The following ZRANB3 variants were observed in gnomAD, a reference collection of about 807,000 sequenced individuals.
ZRANB3 encodes DNA annealing helicase and endonuclease ZRANB3.
Under a neutral mutation model 133.8 loss-of-function variants are expected in ZRANB3, and 125 were observed. The ratio of observed to expected loss-of-function variants is 0.93; its 90% CI spans 0.81 to 1.08. The LOEUF is 1.08. Ranked by LOEUF, ZRANB3 falls within the 50% of genes least tolerant of loss-of-function variation. The pLI, the probability that ZRANB3 is intolerant of heterozygous loss-of-function variation, is 0.00. For synonymous variants in ZRANB3, 387 were observed against 432.7 expected (o/e 0.89, Z 1.31); for missense variants, 1,229 against 1,275.5 (o/e 0.96, Z 0.56).
intron 2 of ZRANB3, among the ~76,000 whole-genome samples, chr2:135,450,331 C>T (rs1264860391): frequency 6.6e-6 from 1 of 150,622 alleles, no homozygotes; most frequent in African/African-American, 2.4e-5. Context: ...TTATTGAGAG[C>T]TTATATAACA....
At chr2:135,371,173 AG>A (rs988874168) in intron 3 of ZRANB3, among the ~76,000 whole-genome samples, 29 of 152,358 alleles carry the variant, frequency 1.9e-4, no homozygotes, top group African/African-American at 7.0e-4. Flanking sequence ...TTACTCAAAA[AG>A]GAAAAGGAGG....
chr2:135,359,233 C>T (rs1223618186), intron 3 of ZRANB3, among the ~76,000 whole-genome samples: 1 of 152,062 alleles, frequency 6.6e-6, no homozygotes, highest in African/African-American at 2.4e-5. Flanking sequence ...TTTCCTTGAG[C>T]TTTATTAGCT....
intron 3 of ZRANB3, among the ~76,000 whole-genome samples, chr2:135,390,109 G>A (rs989784442): frequency 2.0e-5 from 3 of 151,894 alleles, no homozygotes; most frequent in Non-Finnish European, 4.4e-5. Context: ...TCAAACTCCT[G>A]GCCTCATGAT....
chr2:135,410,760 GAATCAACAAGGAGA>G (rs199599229), intron 2 of ZRANB3, among the ~76,000 whole-genome samples: 10,478 of 149,688 alleles, frequency 0.07, 754 homozygotes, highest in African/African-American at 0.19. Flanking sequence ...GAACTGGAAC[GAATCAACAAGGAGA>G]AAACAACCCC....
At chr2:135,479,894 C>T (rs976526113) in intron 2 of ZRANB3, among the ~76,000 whole-genome samples, 2 of 151,846 alleles carry the variant, frequency 1.3e-5, no homozygotes, top group African/African-American at 2.4e-5. Flanking sequence ...ATTTTTGTAA[C>T]TTATCTCTTT....
chr2:135,254,617 A>T (rs974063371), intron 12 of ZRANB3, among the ~76,000 whole-genome samples: 1 of 152,200 alleles, frequency 6.6e-6, no homozygotes, highest in Admixed American at 6.5e-5. Context: ...AGTCTTGAAA[A>T]AAACAAAACA....
intron 2 of ZRANB3, among the ~76,000 whole-genome samples, chr2:135,496,414 G>GAAAAAAAAAAAAAAAAAAAAAAAAAA (rs1692672066): frequency 1.3e-5 from 1 of 77,098 alleles, no homozygotes; most frequent in African/African-American, 4.7e-5. Flanking sequence ...AAAAAAAAAC[G>GAAAAAAAAAAAAAAAAAAAAAAAAAA]AAATCCGCAG....
At chr2:135,232,132 C>T (rs1034390291) in intron 12 of ZRANB3, among the ~76,000 whole-genome samples, 1 of 152,230 alleles carries the variant, frequency 6.6e-6, no homozygotes, top group African/African-American at 2.4e-5. Flanking sequence ...AAATGCCACA[C>T]CAGGAGATTA....
At chr2:135,359,755 A>G (rs779956878) in intron 3 of ZRANB3, among the ~76,000 whole-genome samples, 1 of 152,188 alleles carries the variant, frequency 6.6e-6, no homozygotes, top group Non-Finnish European at 1.5e-5. Context: ...CTTTCCTGGT[A>G]AGAACCCCCA....
chr2:135,288,470 C>T (rs560559294), intron 8 of ZRANB3, among the ~76,000 whole-genome samples: 1 of 152,038 alleles, frequency 6.6e-6, no homozygotes, highest in Admixed American at 6.5e-5. Context: ...GGAGGATTCC[C>T]ACTTTATCTT....
intron 14 of ZRANB3, among the ~76,000 whole-genome samples, chr2:135,226,052 T>C (rs1396528691): frequency 6.6e-6 from 1 of 152,194 alleles, no homozygotes; most frequent in African/African-American, 2.4e-5. Flanking sequence ...ATCATTAAGG[T>C]ATTGTGTCAT....
chr2:135,213,531 C>T (rs1393831372), intron 17 of ZRANB3, among the ~76,000 whole-genome samples: 1 of 152,136 alleles, frequency 6.6e-6, no homozygotes, highest in African/African-American at 2.4e-5. Context: ...CATGATGCTG[C>T]TAAGTTGGTT....
chr2:135,264,364 C>T (rs1028580809), intron 12 of ZRANB3, among the ~76,000 whole-genome samples: 2 of 149,878 alleles, frequency 1.3e-5, no homozygotes, highest in East Asian at 2.0e-4. Context: ...CTCACCTATT[C>T]GGGAGACTGA....
chr2:135,529,446 G>A (rs538838560), intron 1 of ZRANB3, among the ~76,000 whole-genome samples: 87 of 151,668 alleles, frequency 5.7e-4, no homozygotes, highest in African/African-American at 2.0e-3. Flanking sequence ...CATCTTTTTA[G>A]TGATGCCTTT....
chr2:135,233,462 G>A (rs1325142560), intron 12 of ZRANB3, among the ~76,000 whole-genome samples: 1 of 152,094 alleles, frequency 6.6e-6, no homozygotes, highest in African/African-American at 2.4e-5. Context: ...GATACTCCTC[G>A]AGAAGAGCAA....
At chr2:135,303,769 T>A (rs946504290) in intron 8 of ZRANB3, among the ~76,000 whole-genome samples, 9 of 152,230 alleles carry the variant, frequency 5.9e-5, no homozygotes, top group South Asian at 2.1e-4. Context: ...TTGACTCTTC[T>A]GATTCATGAA....
At chr2:135,345,939 C>G (rs894210483) in intron 5 of ZRANB3, among the ~76,000 whole-genome samples, 1 of 152,134 alleles carries the variant, frequency 6.6e-6, no homozygotes, top group Non-Finnish European at 1.5e-5. Context: ...ACTTAAATTA[C>G]ACGTGTCTAT....
intron 2 of ZRANB3, among the ~76,000 whole-genome samples, chr2:135,456,089 AT>A (rs1690506654): frequency 6.6e-6 from 1 of 151,854 alleles, no homozygotes; most frequent in African/African-American, 2.4e-5. Flanking sequence ...TTTTGTCATT[AT>A]TTTTTGTGAG....
At position 135,365,135 on chromosome 2, in the gene ZRANB3, C is replaced by T. The variant is rs1041869756; in HGVS notation, c.181-11507G>A. Reference sequence around the variant, plus strand: ...TATAAAAGTTAGCCAGGTGTGGTGGCGGGCAACTATAATTCCAGCTACTTG... The same window carrying T: ...TATAAAAGTTAGCCAGGTGTGGTGGTGGGCAACTATAATTCCAGCTACTTG... On this transcript the variant is annotated intron_variant, in intron 3 of 20. Transcript: ENST00000264159. Among the ~76,000 whole-genome samples, 95 of 151,694 alleles carry T rather than the reference C, an allele frequency of 6.3e-4. 2 individuals carry two copies. The highest frequency in any genetic ancestry group is 5.4e-3 in the Admixed American group (82 of 15,212).
Sources: allele counts gnomAD v4.1 joint callset (sites outside exome capture counted in the v4.1 genomes callset), GRCh38; gene constraint gnomAD v4.1.1; transcripts MANE v1.5; gene names NCBI Gene and HGNC (gene_info 2026-07-23, HGNC 2026-07-21).